RASSF8: variants seen among roughly 807,000 people sequenced by gnomAD.
The protein encoded by RASSF8 is Ras association domain family member 8.
A neutral mutation model predicts 48.5 loss-of-function variants in RASSF8; 22 were observed. The ratio of observed to expected loss-of-function variants is 0.45; its 90% CI spans 0.32 to 0.65. RASSF8 has a LOEUF of 0.65. Among genes scored for constraint, RASSF8 ranks in the 30% least tolerant of loss-of-function variants. RASSF8 has a pLI of 0.03. For missense variants in RASSF8, 418 were observed against 489.2 expected (o/e 0.85, Z 1.37); for synonymous variants, 127 against 171.5 (o/e 0.74, Z 2.03).
At position 26,072,045 on chromosome 12, in the gene RASSF8, A is replaced by G. The variant is rs1944010279; in HGVS notation, c.*3227A>G. 1 of 985,414 alleles carries G rather than the reference A, an allele frequency of 1.0e-6. No individual in the cohort carries two copies. Among genetic ancestry groups the G allele is most frequent in the African/African-American group, 1.7e-5 (1 of 57,368 alleles). 61.0% of individuals were successfully genotyped at this position (985,414 alleles called of 1,614,324 possible). A position where few individuals can be genotyped will look rare whatever the true frequency, so the allele number is the denominator to read the frequency against. ...AATGGATTGAGGAAATAACACAGAA[A>G]AGACAAAAACTTTTGATTTCAGGCA... On this transcript the variant is annotated 3_prime_UTR_variant, in exon 6 of 6. Coordinates refer to ENST00000689635, the MANE Select transcript of RASSF8 (RefSeq NM_001394098.1).
At chr12:25,989,898 A>C (rs190560394) in intron 1 of RASSF8, among the ~76,000 whole-genome samples, 1 of 152,156 alleles carries the variant, frequency 6.6e-6, no homozygotes, top group African/African-American at 2.4e-5. Flanking sequence ...AAAATCAAGT[A>C]CATCTGAGTT....
Position 26,064,554 on chromosome 12 carries a change from G to A in RASSF8, c.160G>A (p.Ala54Thr). The A allele has an allele frequency of 6.2e-7, 1 of 1,612,444 alleles. No homozygotes were observed. Among genetic ancestry groups the A allele is most frequent in the Non-Finnish European group, 8.5e-7 (1 of 1,179,166 alleles). Residue 54 changes from alanine (A) to threonine (T), a missense_variant, in exon 4 of 6, where the codon GCA becomes ACA. Ala to Thr is a moderately conservative substitution (Grantham distance 58, BLOSUM62 0). Coordinates refer to ENST00000689635, the MANE Select transcript of RASSF8 (RefSeq NM_001394098.1). Reference protein sequence around the residue: ...EKWRDTERHLAPHENPIISLN... With the variant: ...EKWRDTERHLTPHENPIISLN... ...ATGGAGAGATACTGAAAGACACTTA[G>A]CACCTCATGAAAATCCTATCATATC...
intron 1 of RASSF8, among the ~76,000 whole-genome samples, chr12:25,985,601 A>G (rs1941854512): frequency 6.6e-6 from 1 of 152,240 alleles, no homozygotes; most frequent in Admixed American, 6.5e-5. Context: ...ATTATCGAGG[A>G]TCTGCAATGT....
intron 2 of RASSF8, among the ~76,000 whole-genome samples, chr12:25,998,352 T>G (rs969643505): frequency 7.4e-6 from 1 of 135,672 alleles, no homozygotes; most frequent in Non-Finnish European, 1.6e-5. Context: ...GACAAAGCTT[T>G]TTTTTTTTTT....
intron 1 of RASSF8, among the ~76,000 whole-genome samples, chr12:25,991,126 C>T (rs776655235): frequency 1.3e-5 from 2 of 151,758 alleles, no homozygotes; most frequent in African/African-American, 2.4e-5. Context: ...GGAGCACACC[C>T]AACAATTAAT....
intron 1 of RASSF8, among the ~76,000 whole-genome samples, chr12:25,982,974 A>G (rs1487252845): frequency 1.3e-5 from 2 of 152,256 alleles, no homozygotes; most frequent in African/African-American, 4.8e-5. Flanking sequence ...AGCACAAGGC[A>G]GAAGCTAGTG....
intron 2 of RASSF8, chr12:26,011,941 T>A (rs1388155255): frequency 6.6e-6 from 1 of 152,242 alleles, no homozygotes; most frequent in Non-Finnish European, 1.5e-5. Flanking sequence ...CTTTAAAGCT[T>A]TGTTATTTTA....
In RASSF8 at chr12:26,070,760, C is replaced by T. The variant is rs1381427828; in HGVS notation, c.*1942C>T. The stretch of plus-strand genomic sequence containing the variant: ...TCAAGATCTTATTCACAAAGAAAAA[C>T]ATTTTATAAATTGATCGCATTTTCT... On this transcript the variant is annotated 3_prime_UTR_variant, in exon 6 of 6. Coordinates refer to ENST00000689635, the MANE Select transcript of RASSF8 (RefSeq NM_001394098.1). The T allele has an allele frequency of 1.0e-6, 1 of 977,480 alleles. No homozygotes were observed. The highest frequency in any genetic ancestry group is 1.2e-6 in the Non-Finnish European group (1 of 822,962). 60.6% of individuals were successfully genotyped at this position (977,480 alleles called of 1,614,324 possible). A position where few individuals can be genotyped will look rare whatever the true frequency, so the allele number is the denominator to read the frequency against.
At chr12:26,073,807 CATATATATACACAT>C (rs1944044009), downstream of RASSF8, among the ~76,000 whole-genome samples, 1 of 119,588 alleles carries the variant, frequency 8.4e-6, no homozygotes, top group Non-Finnish European at 1.6e-5. Flanking sequence ...TATACACACA[CATATATATACACAT>C]ACACACACAC....
intron 2 of RASSF8, among the ~76,000 whole-genome samples, chr12:26,015,529 G>A (rs1190825921): frequency 6.6e-6 from 1 of 152,186 alleles, no homozygotes; most frequent in East Asian, 1.9e-4. Flanking sequence ...AAGAGATTGA[G>A]GTGAAATCTC....
chr12:26,070,033 T>C lies in RASSF8; in HGVS notation c.*1215T>C. 1.0e-6 allele frequency: 1 copy of C among 982,444 alleles called. No individual in the cohort carries two copies. The highest frequency in any genetic ancestry group is 5.2e-4 in the Middle Eastern group (1 of 1,912). 60.9% of individuals were successfully genotyped at this position (982,444 alleles called of 1,614,324 possible). ...CAACACCTTTTTGATGAGTAGTGACTTAACTAAGATTTACAAGTAATATTT... is the reference window on the plus strand; with the variant it reads ...CAACACCTTTTTGATGAGTAGTGACCTAACTAAGATTTACAAGTAATATTT... On this transcript the variant is annotated 3_prime_UTR_variant, in exon 6 of 6. Transcript: ENST00000689635.
intron 1 of RASSF8, among the ~76,000 whole-genome samples, chr12:25,989,818 G>A (rs746746778): frequency 3.7e-4 from 57 of 152,110 alleles, no homozygotes; most frequent in Admixed American, 7.2e-4. Flanking sequence ...ATGGTAGAGA[G>A]TATGAACATT....
At chr12:25,989,866 A>T (rs1368807250) in intron 1 of RASSF8, among the ~76,000 whole-genome samples, 2 of 152,136 alleles carry the variant, frequency 1.3e-5, no homozygotes, top group African/African-American at 4.8e-5. Flanking sequence ...TTTACCCAGT[A>T]TGGGAGTCTG....
chr12:25,973,289 G>A (rs1213578577), intron 1 of RASSF8, among the ~76,000 whole-genome samples: 1 of 152,024 alleles, frequency 6.6e-6, no homozygotes, highest in Non-Finnish European at 1.5e-5. Context: ...TAGACTGTGG[G>A]ACATATGAAG....
intron 1 of RASSF8, among the ~76,000 whole-genome samples, chr12:25,993,780 A>C (rs1236656939): frequency 2.6e-5 from 4 of 152,206 alleles, no homozygotes; most frequent in Non-Finnish European, 4.4e-5. Context: ...TGGTATAAGA[A>C]GATGCAGTAG....
chr12:26,066,757 T>G (rs565817082), intron 4 of RASSF8, among the ~76,000 whole-genome samples: 5 of 152,352 alleles, frequency 3.3e-5, no homozygotes, highest in African/African-American at 1.2e-4. Context: ...ACTTCTAATC[T>G]CTTCCCAACC....
intron 4 of RASSF8, among the ~76,000 whole-genome samples, chr12:26,065,951 C>T (rs990087222): frequency 6.6e-6 from 1 of 152,160 alleles, no homozygotes; most frequent in African/African-American, 2.4e-5. Flanking sequence ...ACTCAACTTA[C>T]ATTTCTTGGA....
intron 1 of RASSF8, among the ~76,000 whole-genome samples, chr12:25,984,750 A>C (rs147120256): frequency 1.6e-4 from 24 of 152,232 alleles, no homozygotes; most frequent in Admixed American, 1.1e-3. Context: ...AGGAGCTTCA[A>C]GGTAACTTTT....
chr12:25,978,907 A>G (rs7134721), intron 1 of RASSF8, among the ~76,000 whole-genome samples: 9,979 of 152,144 alleles, frequency 0.066, 711 homozygotes, highest in East Asian at 0.27. Context: ...CCACTATTGG[A>G]TGTTAGAATA....
Sources: allele counts gnomAD v4.1 joint callset (sites outside exome capture counted in the v4.1 genomes callset), GRCh38; gene constraint gnomAD v4.1.1; transcripts MANE v1.5; gene names NCBI Gene and HGNC (gene_info 2026-07-23, HGNC 2026-07-21).